Variants in FHDC1 observed in about 807,000 individuals in gnomAD.
FHDC1 encodes FH2 domain-containing protein 1.
In FHDC1, 25 loss-of-function variants were observed where a neutral mutation model predicts 52.6. That is an observed-to-expected ratio of 0.48 (90% CI 0.35 to 0.66). The LOEUF (loss-of-function observed/expected upper bound fraction) is 0.66. Among genes scored for constraint, FHDC1 ranks in the 30% least tolerant of loss-of-function variants. FHDC1 has a pLI of 0.01. For missense variants in FHDC1, 1,459 were observed against 1,452.8 expected (o/e 1.00, Z -0.07); for synonymous variants, 616 against 581.5 (o/e 1.06, Z -0.85).
At chr4:152,952,952 T>C (rs1444373163) in intron 2 of FHDC1, among the ~76,000 whole-genome samples, 2 of 152,078 alleles carry the variant, frequency 1.3e-5, no homozygotes, top group Admixed American at 1.3e-4. Context: ...GACAACATGG[T>C]GAAACTCCAT....
In FHDC1 at chr4:152,968,068, C is replaced by T; in HGVS notation, c.1189C>T (p.Leu397Phe). 6.2e-7 allele frequency: 1 copy of T among 1,613,678 alleles called. No homozygotes were observed. ...AGAAAACATCCAGCGGGATGGTGAA[C>T]TTTGTCAGCAGATGGAAGATTTTCT... ...LKENIQRDGELCQQMEDFLQF... is the reference protein window; with the variant it reads ...LKENIQRDGEFCQQMEDFLQF... The change falls in exon 10 of 12, where the codon CTT (leucine) becomes TTT (phenylalanine). Residue 397 changes from leucine (L) to phenylalanine (F), a missense_variant. By Grantham distance (22) the Leu-to-Phe change is conservative (BLOSUM62 0). Transcript: ENST00000511601.
intron 11 of FHDC1, among the ~76,000 whole-genome samples, chr4:152,973,672 G>A (rs185176518): frequency 1.4e-4 from 22 of 152,342 alleles, no homozygotes; most frequent in African/African-American, 5.1e-4. Flanking sequence ...AGCTGCAGGC[G>A]GAGCCAAGAG....
chr4:152,970,692 G>T (rs982778751), intron 10 of FHDC1, among the ~76,000 whole-genome samples: 3 of 152,218 alleles, frequency 2.0e-5, no homozygotes, highest in Non-Finnish European at 2.9e-5. Flanking sequence ...CAGCATGAAT[G>T]CACACACTGC....
chr4:152,938,313 G>A (rs550016160), intron 1 of FHDC1, among the ~76,000 whole-genome samples: 6 of 151,160 alleles, frequency 4.0e-5, no homozygotes, highest in African/African-American at 1.5e-4. Context: ...TTTACATTGT[G>A]CTGCAGATTG....
chr4:152,975,142 A>G lies in FHDC1; in HGVS notation c.1851A>G (p.Ala617=). The change falls in exon 12 of 12, where the codon GCA becomes GCG. Residue 617 remains alanine, a synonymous_variant. Coordinates refer to ENST00000511601, the MANE Select transcript of FHDC1 (RefSeq NM_001371116.1). ...AGGAGGCCCCCAACCCACCCTCAGC[A>G]CAGGCGCACCAGCTTGCAGCCGCCC... ...GQEEAPNPPS[A]QAHQLAAAQP... The G allele has an allele frequency of 6.2e-7, 1 of 1,612,864 alleles. No individual in the cohort carries two copies. Among genetic ancestry groups the G allele is most frequent in the Non-Finnish European group, 8.5e-7 (1 of 1,180,006 alleles).
At chr4:152,922,539 G>A in the FHDC1 span, among the ~76,000 whole-genome samples, 2 of 151,158 alleles carry the variant, frequency 1.3e-5, no homozygotes, top group Non-Finnish European at 3.0e-5. Flanking sequence ...CCAAAGCCGG[G>A]CAGAGACACA....
the FHDC1 span, among the ~76,000 whole-genome samples, chr4:152,925,821 A>G: frequency 6.6e-6 from 1 of 151,592 alleles, no homozygotes; most frequent in Non-Finnish European, 1.5e-5. Flanking sequence ...TTAGTGAAAA[A>G]GAAGAAGAGG....
In FHDC1 at chr4:152,976,713, T is replaced by C. The variant is rs1221683203; in HGVS notation, c.3422T>C (p.Leu1141Ser). 1.4e-6 allele frequency: 2 copies of C among 1,479,894 alleles called. No individual in the cohort carries two copies. 91.7% of individuals were successfully genotyped at this position (1,479,894 alleles called of 1,614,324 possible). A position where few individuals can be genotyped will look rare whatever the true frequency, so the allele number is the denominator to read the frequency against. ...ACGCTGGGGAGAATCCTCAATCCCT[T>C]ACGGAAGTGATGGGTGCCTGTCCTC... The part of the protein sequence containing the change: ...RTTLGRILNP[L>S]RK The change falls in exon 12 of 12, where the codon TTA becomes TCA. Residue 1141 changes from leucine to serine, a missense_variant. Physicochemically the swap from Leu to Ser is moderately radical, Grantham distance 145 (BLOSUM62 -2). Coordinates refer to ENST00000511601, the MANE Select transcript of FHDC1 (RefSeq NM_001371116.1).
chr4:152,938,442 G>A (rs1368929116), intron 1 of FHDC1, among the ~76,000 whole-genome samples: 2 of 152,142 alleles, frequency 1.3e-5, no homozygotes, highest in Non-Finnish European at 2.9e-5. Context: ...TAATTGTACC[G>A]ACTGACATTC....
chr4:152,969,046 C>G (rs1740554753), intron 10 of FHDC1, among the ~76,000 whole-genome samples: 1 of 151,224 alleles, frequency 6.6e-6, no homozygotes, highest in African/African-American at 2.4e-5. Context: ...CTGTGACTCA[C>G]TAATCGCATA....
At chr4:152,919,013 C>G in the FHDC1 span, among the ~76,000 whole-genome samples, 5 of 152,372 alleles carry the variant, frequency 3.3e-5, no homozygotes, top group South Asian at 1.0e-3. Context: ...ATAGAAGCCT[C>G]TTGAGGGCAA....
chr4:152,948,221 C>T (rs1030588491), intron 2 of FHDC1, among the ~76,000 whole-genome samples: 1 of 152,170 alleles, frequency 6.6e-6, no homozygotes, highest in South Asian at 2.1e-4. Context: ...TGGAAATAGC[C>T]ACTATGTAGT....
At chr4:152,917,268 A>AT in the FHDC1 span, among the ~76,000 whole-genome samples, 1 of 152,130 alleles carries the variant, frequency 6.6e-6, no homozygotes, top group Non-Finnish European at 1.5e-5. Flanking sequence ...ACTACTATAG[A>AT]TTTTTTTAAA....
Position 152,974,751 on chromosome 4 carries a change from G to C in FHDC1, c.1460G>C (p.Trp487Ser), listed in dbSNP as rs1740784757. 6.6e-7 allele frequency: 1 copy of C among 1,526,386 alleles called. No homozygotes were observed. The highest frequency in any genetic ancestry group is 1.4e-5 in the African/African-American group (1 of 72,216). The allele number at this position is 1,526,386 out of a possible 1,614,324, so 94.6% of individuals were successfully genotyped here. A position where few individuals can be genotyped will look rare whatever the true frequency, so the allele number is the denominator to read the frequency against. Residue 487 changes from tryptophan (W) to serine (S), a missense_variant, in exon 12 of 12, where the codon TGG (tryptophan) becomes TCG (serine). Around this residue, in one of 3 missense-constraint regions of FHDC1, gnomAD observed 513 missense variants for 581.5 expected, o/e 0.88. Transcript: ENST00000511601. ...LKEQEQKQRS[W>S]ATGELGAFGR... ...GAGCAGGAGCAGAAGCAGCGCTCCT[G>C]GGCAACTGGGGAGCTGGGGGCATTT...
rs533731295 is a variant in FHDC1, at chr4:152,974,203, C to A, written c.1384-472C>A. Among the ~76,000 whole-genome samples, 4 of 152,342 alleles carry A rather than the reference C, an allele frequency of 2.6e-5. No homozygotes were observed. In the East Asian group the frequency reaches 7.7e-4, roughly 29 times the overall value. On this transcript the variant is annotated intron_variant, in intron 11 of 11. Coordinates refer to ENST00000511601, the MANE Select transcript of FHDC1 (RefSeq NM_001371116.1). ...ACAGAAGTACAATTTGAGGCTCGCT[C>A]TTTAAATACCCACAGTATTTTTCTC...
chr4:152,949,118 TAATAATAAGAAGAAGAAGAAGAAGAAG>T (rs1246950082), intron 2 of FHDC1, among the ~76,000 whole-genome samples: 32 of 75,870 alleles, frequency 4.2e-4, no homozygotes, highest in East Asian at 1.3e-3. Flanking sequence ...ATAATAATAA[TAATAATAAGAAGAAGAAGAAGAAGAAG>T]AAGAAGAAGA....
In FHDC1 at chr4:152,975,360, T is replaced by A; in HGVS notation, c.2069T>A (p.Met690Lys). Residue 690 changes from methionine (M) to lysine (K), a missense_variant, in exon 12 of 12, where the codon ATG becomes AAG. Coordinates refer to ENST00000511601, the MANE Select transcript of FHDC1 (RefSeq NM_001371116.1). ...TTCAACCTCCAGGGTTCCCAGGGCA[T>A]GGAGGAGACCTCCCAGCTGACTCTG... ...AQFNLQGSQG[M>K]EETSQLTLSD... 1 of 1,613,714 alleles carries A rather than the reference T, an allele frequency of 6.2e-7. No individual in the cohort carries two copies. Among genetic ancestry groups the A allele is most frequent in the Non-Finnish European group, 8.5e-7 (1 of 1,180,040 alleles).
At chr4:152,974,240 A>G (rs973929762) in intron 11 of FHDC1, among the ~76,000 whole-genome samples, 1 of 152,192 alleles carries the variant, frequency 6.6e-6, no homozygotes, top group South Asian at 2.1e-4. Context: ...GCTATTGCCT[A>G]TATAGCCCTT....
intron 10 of FHDC1, 41 bp downstream of exon 10, chr4:152,968,138 CCAG>C (rs1740521749): frequency 1.4e-6 from 2 of 1,426,964 alleles, no homozygotes; most frequent in Non-Finnish European, 2.0e-6. Flanking sequence ...ATCTCATCTC[CCAG>C]CAGCACCCCG....
Sources: gnomAD v4.1 joint callset for allele counts (sites outside exome capture counted in the v4.1 genomes callset) on GRCh38, gnomAD v4.1.1 for gene constraint, gnomAD v4.1.1 regional missense constraint, MANE v1.5 for transcripts, NCBI Gene and HGNC (gene_info 2026-07-23, HGNC 2026-07-21) for gene names.